The following FBXO34 variants were observed in gnomAD, a reference collection of about 807,000 sequenced individuals.
The protein encoded by FBXO34 is F-box only protein 34.
In FBXO34, 12 loss-of-function variants were observed where a neutral mutation model predicts 24.5. The observed-to-expected ratio is 0.49, with a 90% CI of 0.31 to 0.79. FBXO34 has a LOEUF of 0.79. FBXO34 is among the 30% of genes least tolerant of loss of function. FBXO34 has a pLI of 0.04. For missense variants in FBXO34, 823 were observed against 857.7 expected (o/e 0.96, Z 0.51); for synonymous variants, 320 against 311.9 (o/e 1.03, Z -0.27).
chr14:55,285,740 T>C (rs963008921), intron 1 of FBXO34, among the ~76,000 whole-genome samples: 3 of 152,246 alleles, frequency 2.0e-5, no homozygotes, highest in Admixed American at 6.5e-5. Flanking sequence ...TAAAGGTCTT[T>C]TCAGGTGTTT....
chr14:55,380,789 T>G, the FBXO34 span: 3 of 709,052 alleles, frequency 4.2e-6, no homozygotes, highest in Non-Finnish European at 4.5e-6. Flanking sequence ...ATGATAGCAC[T>G]GTTACGTTTT....
intron 1 of FBXO34, among the ~76,000 whole-genome samples, chr14:55,322,309 CAAAAAA>C (rs3084455): frequency 1.6e-5 from 2 of 122,046 alleles, no homozygotes. Context: ...GACTCTGTCT[CAAAAAA>C]AAAAAAAAAA....
chr14:55,336,864 G>GCA (rs1342280612), intron 1 of FBXO34, among the ~76,000 whole-genome samples: 11 of 142,852 alleles, frequency 7.7e-5, no homozygotes, highest in African/African-American at 2.7e-4. Flanking sequence ...ATATATACAT[G>GCA]CACGCACACA....
the FBXO34 span, chr14:55,382,021 T>C: frequency 3.4e-5 from 55 of 1,614,168 alleles, no homozygotes; most frequent in Non-Finnish European, 4.6e-5. Context: ...GTAGTCCCCA[T>C]TGTTAGGGAG....
chr14:55,392,723 T>C, the FBXO34 span, among the ~76,000 whole-genome samples: 1 of 150,642 alleles, frequency 6.6e-6, no homozygotes. Context: ...CTCCGTAAAG[T>C]GAATAATTAA....
At chr14:55,411,971 T>TTGTTTTTCCGGTCTGC in the FBXO34 span, 1 of 716,838 alleles carries the variant, frequency 1.4e-6, no homozygotes, top group African/African-American at 1.8e-5. Context: ...CCGGGCACTG[T>TTGTTTTTCCGGTCTGC]TGTTTTTCCG....
At chr14:55,426,392 T>A in the FBXO34 span, among the ~76,000 whole-genome samples, 1 of 152,188 alleles carries the variant, frequency 6.6e-6, no homozygotes, top group Non-Finnish European at 1.5e-5. Flanking sequence ...ACTTGTATTA[T>A]TAAATGTTGA....
At chr14:55,295,792 A>G (rs544200179) in intron 1 of FBXO34, among the ~76,000 whole-genome samples, 1 of 152,248 alleles carries the variant, frequency 6.6e-6, no homozygotes, top group South Asian at 2.1e-4. Context: ...ATTCAAATCC[A>G]GCCAGTCTTA....
At chr14:55,303,107 C>T (rs1882419417) in intron 1 of FBXO34, among the ~76,000 whole-genome samples, 1 of 149,316 alleles carries the variant, frequency 6.7e-6, no homozygotes, top group Non-Finnish European at 1.5e-5. Context: ...TTTTAATGTG[C>T]ATTAATTTCT....
chr14:55,429,318 T>C, the FBXO34 span, among the ~76,000 whole-genome samples: 1 of 152,238 alleles, frequency 6.6e-6, no homozygotes, highest in South Asian at 2.1e-4. Flanking sequence ...TGGGAACTTG[T>C]TAGAAATGCA....
At chr14:55,322,335 C>T (rs1883166895) in intron 1 of FBXO34, among the ~76,000 whole-genome samples, 1 of 147,714 alleles carries the variant, frequency 6.8e-6, no homozygotes, top group Non-Finnish European at 1.5e-5. Flanking sequence ...AAAATACAAA[C>T]AAGCAACAAC....
At chr14:55,313,472 G>A (rs563064777) in intron 1 of FBXO34, among the ~76,000 whole-genome samples, 7 of 152,210 alleles carry the variant, frequency 4.6e-5, no homozygotes, top group East Asian at 1.9e-4. Flanking sequence ...CCACATTGTC[G>A]GGTATTTTTA....
the FBXO34 span, among the ~76,000 whole-genome samples, chr14:55,415,015 C>T: frequency 1.3e-5 from 2 of 152,170 alleles, no homozygotes; most frequent in Non-Finnish European, 2.9e-5. Flanking sequence ...TAAATCATAA[C>T]TGCTGTAGGA....
At position 55,350,592 on chromosome 14, in the gene FBXO34, A is replaced by T. The variant is rs745719349; in HGVS notation, c.202A>T (p.Asn68Tyr). 6.2e-7 allele frequency: 1 copy of T among 1,612,442 alleles called. No individual in the cohort carries two copies. The highest frequency in any genetic ancestry group is 1.1e-5 in the South Asian group (1 of 90,968). Residue 68 changes from asparagine (N) to tyrosine (Y), a missense_variant, in exon 2 of 2, where the codon AAT (asparagine) becomes TAT (tyrosine). By Grantham distance (143) the Asn-to-Tyr change is moderately radical. This residue lies in a region of FBXO34 where 693 missense variants were observed against 659.1 expected (regional missense o/e 1.05). Transcript: ENST00000313833. ...SRKPFGILSP[N>Y]VLCSMSGKSP... ...AAAGCCATTTGGGATCCTTTCTCCAAATGTTCTGTGCAGTATGAGTGGGAA... is the reference window on the plus strand; with the variant it reads ...AAAGCCATTTGGGATCCTTTCTCCATATGTTCTGTGCAGTATGAGTGGGAA...
intron 1 of FBXO34, among the ~76,000 whole-genome samples, chr14:55,299,709 A>G (rs1345821602): frequency 2.0e-5 from 3 of 152,314 alleles, no homozygotes; most frequent in East Asian, 1.9e-4. Flanking sequence ...ATTAAAATAC[A>G]TTCAAGTTTG....
intron 1 of FBXO34, among the ~76,000 whole-genome samples, chr14:55,293,045 G>T (rs1462816824): frequency 6.6e-6 from 1 of 152,116 alleles, no homozygotes; most frequent in Non-Finnish European, 1.5e-5. Context: ...ACCACACCCG[G>T]CTAATTTTTG....
At chr14:55,344,219 C>A (rs1198741245) in intron 1 of FBXO34, among the ~76,000 whole-genome samples, 1 of 152,172 alleles carries the variant, frequency 6.6e-6, no homozygotes, top group African/African-American at 2.4e-5. Flanking sequence ...GACTTCTTGT[C>A]CACTGTACTT....
chr14:55,325,482 A>T (rs1594752732), intron 1 of FBXO34, among the ~76,000 whole-genome samples: 1 of 150,038 alleles, frequency 6.7e-6, no homozygotes, highest in African/African-American at 2.4e-5. Context: ...AAACTAAATT[A>T]TTTTTTTTTT....
At chr14:55,347,362 A>G (rs9919932) in intron 1 of FBXO34, among the ~76,000 whole-genome samples, 45,868 of 151,962 alleles carry the variant, frequency 0.3, 7,230 homozygotes, top group Non-Finnish European at 0.34. Context: ...TGCTCCCTGC[A>G]TTATATCCTC....
Sources: gnomAD v4.1 joint callset for allele counts (sites outside exome capture counted in the v4.1 genomes callset) on GRCh38, gnomAD v4.1.1 for gene constraint, gnomAD v4.1.1 regional missense constraint, MANE v1.5 for transcripts, NCBI Gene and HGNC (gene_info 2026-07-23, HGNC 2026-07-21) for gene names.